The following SACM1L variants were observed in gnomAD, a reference collection of about 807,000 sequenced individuals.
SACM1L encodes SAC1 like phosphatidylinositide phosphatase, also known as phosphatidylinositol-3-phosphatase SAC1.
Under a neutral mutation model 89.5 loss-of-function variants are expected in SACM1L, and 32 were observed. The observed-to-expected ratio is 0.36, with a 90% CI of 0.27 to 0.48. The LOEUF is 0.48. Ranked by LOEUF, SACM1L falls within the 20% of genes least tolerant of loss-of-function variation. The pLI, the probability that SACM1L is intolerant of heterozygous loss-of-function variation, is 0.99. For missense variants in SACM1L, 543 were observed against 708.5 expected (o/e 0.77, Z 2.65); for synonymous variants, 213 against 232.8 (o/e 0.92, Z 0.77).
chr3:45,695,462 T>C (rs1387233619), intron 1 of SACM1L, among the ~76,000 whole-genome samples: 1 of 152,102 alleles, frequency 6.6e-6, no homozygotes, highest in Non-Finnish European at 1.5e-5. Flanking sequence ...AGTTTCACCA[T>C]GTTGGCCAGG....
chr3:45,731,122 A>G (rs1699044324), intron 11 of SACM1L, among the ~76,000 whole-genome samples, 179 bp from the exon 12 acceptor site: 2 of 152,220 alleles, frequency 1.3e-5, no homozygotes, highest in Non-Finnish European at 1.5e-5. Context: ...GTGGGTTACT[A>G]TAAAACCTTT....
At position 45,708,330 on chromosome 3, in the gene SACM1L, A is replaced by G. The variant is rs766990457; in HGVS notation, c.334-1168A>G. On this transcript the variant is annotated intron_variant, in intron 4 of 19. Transcript: ENST00000389061. Reference sequence around the variant, plus strand: ...CTTTGAAACTTACTTTTTAAAGTCAACATTGTTTAGAGATATATATACCTG... The same window carrying G: ...CTTTGAAACTTACTTTTTAAAGTCAGCATTGTTTAGAGATATATATACCTG... Among the ~76,000 whole-genome samples the G allele has an allele frequency of 9.9e-5, 15 of 152,284 alleles. No individual in the cohort carries two copies. In the Middle Eastern group the frequency reaches 0.014, roughly 138 times the overall value.
chr3:45,699,868 G>A (rs1339305832), intron 1 of SACM1L, among the ~76,000 whole-genome samples: 2 of 151,944 alleles, frequency 1.3e-5, no homozygotes, highest in African/African-American at 4.8e-5. Context: ...TTTTTTCTGT[G>A]TGTGCGTTTG....
rs1042431817 is a variant in SACM1L, at chr3:45,706,949, G to A, written c.333+42G>A. On this transcript the variant is annotated intron_variant, in intron 4 of 19. Transcript: ENST00000389061. ...GTTACTAATTGCAGCGCCCAAAGAAGTAGCATGGGCTGGGGAGAGGAGGGT... is the reference window on the plus strand; with the variant it reads ...GTTACTAATTGCAGCGCCCAAAGAAATAGCATGGGCTGGGGAGAGGAGGGT... The A allele has an allele frequency of 2.5e-6, 4 of 1,596,876 alleles. No individual in the cohort carries two copies. In the South Asian group the frequency reaches 4.4e-5, roughly 18 times the overall value.
chr3:45,721,260 G>A (rs904976923), intron 8 of SACM1L, among the ~76,000 whole-genome samples: 2 of 152,212 alleles, frequency 1.3e-5, no homozygotes, highest in African/African-American at 2.4e-5. Context: ...GGTGGCTCAC[G>A]CCTATAATCC....
At chr3:45,727,539 C>CT (rs1218881343) in intron 11 of SACM1L, among the ~76,000 whole-genome samples, 5 of 152,202 alleles carry the variant, frequency 3.3e-5, no homozygotes, top group Admixed American at 1.3e-4. Context: ...TTTAAATTCT[C>CT]TATTTTCTTA....
chr3:45,737,677 A>G, intron 15 of SACM1L, 25 bp downstream of exon 15: 1 of 1,577,818 alleles, frequency 6.3e-7, no homozygotes, highest in Non-Finnish European at 8.6e-7. Flanking sequence ...TAATATAGAC[A>G]AAGTTGGTCA....
At chr3:45,736,810 A>C (rs1019201891) in intron 14 of SACM1L, among the ~76,000 whole-genome samples, 2 of 152,160 alleles carry the variant, frequency 1.3e-5, no homozygotes, top group African/African-American at 4.8e-5. Flanking sequence ...AGCTTTGCCT[A>C]CTAGTGTAGG....
chr3:45,689,848 A>AT (rs1697927113), intron 1 of SACM1L: 1 of 425,052 alleles, frequency 2.4e-6, no homozygotes. Flanking sequence ...ATTTATCTGT[A>AT]TGACTTAACA....
intron 9 of SACM1L, 94 bp downstream of exon 9, chr3:45,722,179 C>A: frequency 1.3e-6 from 1 of 773,906 alleles, no homozygotes; most frequent in African/African-American, 1.8e-5. Context: ...CTTTTCCCTT[C>A]TCTGTTCTTA....
chr3:45,695,740 A>G (rs1480273114), intron 1 of SACM1L, among the ~76,000 whole-genome samples: 2 of 152,222 alleles, frequency 1.3e-5, no homozygotes, highest in Non-Finnish European at 2.9e-5. Flanking sequence ...AAGCACATTC[A>G]TGTTGTACAA....
At chr3:45,709,474 A>G in intron 4 of SACM1L, 24 bp from the exon 5 acceptor site, 4 of 1,579,676 alleles carry the variant, frequency 2.5e-6, no homozygotes, top group South Asian at 1.1e-5. Context: ...ATTATGAGCT[A>G]TACTGATTTT....
chr3:45,700,103 TC>T (rs1245043688), intron 1 of SACM1L, among the ~76,000 whole-genome samples: 2 of 152,166 alleles, frequency 1.3e-5, no homozygotes, highest in African/African-American at 2.4e-5. Context: ...GGGTGAGCTG[TC>T]GAGGGCAAGC....
At position 45,735,267 on chromosome 3, in the gene SACM1L, T is replaced by C. The variant is rs1699172870; in HGVS notation, c.1133T>C (p.Val378Ala). Reference protein sequence around the residue: ...YFLVDSAGQVVANQEGVFRSN... With the variant: ...YFLVDSAGQVAANQEGVFRSN... ...CTAGTGGACTCTGCTGGCCAGGTGG[T>C]GGCAAACCAGGAAGGCGTGTTCCGA... Residue 378 changes from valine (V) to alanine (A), a missense_variant, in exon 14 of 20, where the codon GTG becomes GCG. Val to Ala is a moderately conservative substitution (Grantham distance 64, BLOSUM62 0). Around this residue, in one of 2 missense-constraint regions of SACM1L, gnomAD observed 370 missense variants for 527.6 expected, o/e 0.70. Coordinates refer to ENST00000389061, the MANE Select transcript of SACM1L (RefSeq NM_014016.5). 1 of 1,613,002 alleles carries C rather than the reference T, an allele frequency of 6.2e-7. No homozygotes were observed.
intron 7 of SACM1L, among the ~76,000 whole-genome samples, chr3:45,716,557 G>C (rs558343945): frequency 2.0e-5 from 3 of 152,304 alleles, no homozygotes; most frequent in African/African-American, 7.2e-5. Flanking sequence ...TCAGCGCACA[G>C]GTAGAGGGCC....
chr3:45,701,799 T>C (rs941516191), intron 1 of SACM1L, among the ~76,000 whole-genome samples: 3 of 152,220 alleles, frequency 2.0e-5, no homozygotes, highest in Non-Finnish European at 2.9e-5. Context: ...AAGTTAAACA[T>C]ATATGTGCCA....
intron 11 of SACM1L, among the ~76,000 whole-genome samples, chr3:45,725,949 G>C (rs1002803969): frequency 1.3e-5 from 2 of 152,094 alleles, no homozygotes; most frequent in African/African-American, 4.8e-5. Context: ...TGTATCAATC[G>C]AGATGCTCGT....
chr3:45,742,992 T>G (rs532542946), intron 19 of SACM1L: 1 of 152,408 alleles, frequency 6.6e-6, no homozygotes, highest in South Asian at 2.1e-4. Flanking sequence ...TATTGACTTT[T>G]GTTTTATATA....
At chr3:45,702,123 A>G (rs1357761725) in intron 1 of SACM1L, among the ~76,000 whole-genome samples, 2 of 152,240 alleles carry the variant, frequency 1.3e-5, no homozygotes, top group African/African-American at 4.8e-5. Flanking sequence ...AATGAAGGAA[A>G]CTAGCCTAAT....
Sources: gnomAD v4.1 joint callset for allele counts (sites outside exome capture counted in the v4.1 genomes callset) on GRCh38, gnomAD v4.1.1 for gene constraint, gnomAD v4.1.1 regional missense constraint, MANE v1.5 for transcripts, NCBI Gene and HGNC (gene_info 2026-07-23, HGNC 2026-07-21) for gene names.